The following ATF7IP variants were observed in gnomAD, a reference collection of about 807,000 sequenced individuals.
The protein encoded by ATF7IP is activating transcription factor 7-interacting protein 1.
Under a neutral mutation model 106.4 loss-of-function variants are expected in ATF7IP, and 23 were observed. The ratio of observed to expected loss-of-function variants is 0.22; its 90% CI spans 0.16 to 0.31. ATF7IP has a LOEUF of 0.31. ATF7IP is among the 10% of genes least tolerant of loss of function. The pLI, the probability that ATF7IP is intolerant of heterozygous loss-of-function variation, is 1.00. For synonymous variants in ATF7IP, 542 were observed against 539.0 expected, an observed-to-expected ratio of 1.01 and a Z score of -0.08; for missense variants, 1,334 against 1,524.3, an observed-to-expected ratio of 0.88 and a Z score of 2.08.
At chr12:14,451,792 A>G (rs1943212428) in intron 6 of ATF7IP, among the ~76,000 whole-genome samples, 1 of 152,078 alleles carries the variant, frequency 6.6e-6, no homozygotes, top group Non-Finnish European at 1.5e-5. Context: ...TATCCATGAG[A>G]ATTTTCTATG....
At chr12:14,493,335 A>G (rs1232008848) in intron 13 of ATF7IP, among the ~76,000 whole-genome samples, 1 of 152,204 alleles carries the variant, frequency 6.6e-6, no homozygotes, top group Non-Finnish European at 1.5e-5. Context: ...CTTATAGGTC[A>G]CACCTTCAAC....
At chr12:14,428,920 T>C in intron 2 of ATF7IP, among the ~76,000 whole-genome samples, 1 of 152,318 alleles carries the variant, frequency 6.6e-6, no homozygotes, top group South Asian at 2.1e-4. Flanking sequence ...TATTATGTTA[T>C]AACTAATACT....
chr12:14,374,741 G>GA (rs1938665884), intron 1 of ATF7IP, among the ~76,000 whole-genome samples: 1 of 152,102 alleles, frequency 6.6e-6, no homozygotes, highest in South Asian at 2.1e-4. Context: ...ATAGCTCTGT[G>GA]ATACAAATCC....
intron 8 of ATF7IP, among the ~76,000 whole-genome samples, 173 bp downstream of exon 8, chr12:14,457,468 T>C (rs968313438): frequency 6.6e-6 from 1 of 152,162 alleles, no homozygotes; most frequent in East Asian, 1.9e-4. Context: ...CACATGCTTA[T>C]AGTCTCAGCT....
intron 1 of ATF7IP, among the ~76,000 whole-genome samples, chr12:14,368,155 G>T (rs944385182): frequency 1.3e-5 from 2 of 151,944 alleles, no homozygotes; most frequent in Middle Eastern, 3.2e-3. Context: ...GGAAAATATT[G>T]AAAATTAATT....
Position 14,484,656 on chromosome 12 carries a change from C to G in ATF7IP, c.3280+3471C>G, listed in dbSNP as rs150679501. ...TGAACCAGGCCCTAGTCATCTGTTC[C>G]GCTGTCAAGTGATCATAGGGACCCC... On this transcript the variant is annotated intron_variant, in intron 13 of 14. Coordinates refer to ENST00000261168, the MANE Select transcript of ATF7IP (RefSeq NM_018179.5). 5.3e-3 allele frequency among the ~76,000 whole-genome samples: 813 copies of G among 152,268 alleles called. 10 individuals are homozygous for G. The highest frequency in any genetic ancestry group is 0.018 in the African/African-American group (753 of 41,544).
intron 1 of ATF7IP, among the ~76,000 whole-genome samples, chr12:14,373,722 CTT>C (rs1233122953): frequency 6.6e-6 from 1 of 152,036 alleles, no homozygotes; most frequent in Non-Finnish European, 1.5e-5. Context: ...AACTATTTCT[CTT>C]TTAAGATTTA....
rs931258263 is a variant in ATF7IP at position 14,422,159 on chromosome 12, A to C, written c.-7-1750A>C. Reference sequence around the variant, plus strand: ...TGACATGTTAAGCTCTTTCCAAGAAAAAGTAAGTGAAAAGAGATAATAAAT... The same window carrying C: ...TGACATGTTAAGCTCTTTCCAAGAACAAGTAAGTGAAAAGAGATAATAAAT... On this transcript the variant is annotated intron_variant, in intron 1 of 14. Coordinates refer to ENST00000261168, the MANE Select transcript of ATF7IP (RefSeq NM_018179.5). Among the ~76,000 whole-genome samples, 4 of 152,164 alleles carry C rather than the reference A, an allele frequency of 2.6e-5. No individual in the cohort carries two copies. The South Asian group carries it at 6.2e-4, about 24-fold the overall frequency.
rs1943620029 is a variant in ATF7IP at position 14,461,024 on chromosome 12, A to T, written c.2688A>T (p.Gly896=). ...CTTTACCCACAGTGGGCCCATCAGG[A>T]CTCTATAGTCCATCAACTAATCGAG... ...RTSLPTVGPS[G]LYSPSTNRGP... is the part of the protein sequence containing the mutation. Residue 896 remains glycine (G), a synonymous_variant, in exon 9 of 15, where the codon GGA becomes GGT. Transcript: ENST00000261168. 6.2e-7 allele frequency: 1 copy of T among 1,613,946 alleles called. No individual in the cohort carries two copies. Among genetic ancestry groups the T allele is most frequent in the African/African-American group, 1.3e-5 (1 of 74,884 alleles).
chr12:14,457,125 G>A lies in ATF7IP; in HGVS notation c.2070-82G>A, dbSNP rs185831329. 3.1e-5 allele frequency: 37 copies of A among 1,194,250 alleles called. No individual in the cohort carries two copies. The East Asian group carries it at 8.7e-4, about 28-fold the overall frequency. The allele number at this position is 1,194,250 out of a possible 1,614,324, so 74.0% of individuals were successfully genotyped here. A position where few individuals can be genotyped will look rare whatever the true frequency, so the allele number is the denominator to read the frequency against. ...GTCTAGCCACCCTTTTTCCCCTGTG[G>A]GCCACTGCTTATTCTAGATATCAGT... On this transcript the variant is annotated intron_variant, in intron 7 of 14. Coordinates refer to ENST00000261168, the MANE Select transcript of ATF7IP (RefSeq NM_018179.5).
chr12:14,387,445 C>T (rs946197455), intron 1 of ATF7IP, among the ~76,000 whole-genome samples: 1 of 151,874 alleles, frequency 6.6e-6, no homozygotes, highest in Admixed American at 6.6e-5. Context: ...TATATAATGT[C>T]GAAAAACTGT....
At chr12:14,472,291 GA>G (rs1015514608) in intron 10 of ATF7IP, among the ~76,000 whole-genome samples, 3 of 151,672 alleles carry the variant, frequency 2.0e-5, no homozygotes, top group South Asian at 2.1e-4. Flanking sequence ...GCGTTTTTAT[GA>G]AAAAAATGTG....
Position 14,424,487 on chromosome 12 carries a change from C to G in ATF7IP, c.572C>G (p.Ser191Cys). ...SGDVSPGDAT[S>C]GDATADDLSS... The stretch of plus-strand genomic sequence containing the variant: ...GATGTGTCCCCTGGTGATGCCACCT[C>G]TGGTGATGCCACTGCTGATGATCTC... The change falls in exon 2 of 15, where the codon TCT (serine) becomes TGT (cysteine). Residue 191 changes from serine (S) to cysteine (C), a missense_variant. By Grantham distance (112) the Ser-to-Cys change is moderately radical. Transcript: ENST00000261168. The G allele has an allele frequency of 1.2e-6, 2 of 1,614,166 alleles. No individual in the cohort carries two copies.
At chr12:14,479,704 A>T (rs1944373811) in intron 12 of ATF7IP, among the ~76,000 whole-genome samples, 1 of 152,174 alleles carries the variant, frequency 6.6e-6, no homozygotes, top group Non-Finnish European at 1.5e-5. Flanking sequence ...TTAGATGCTT[A>T]TGCAGACTTT....
intron 1 of ATF7IP, among the ~76,000 whole-genome samples, chr12:14,399,903 G>A (rs920126541): frequency 6.6e-6 from 1 of 152,188 alleles, no homozygotes; most frequent in African/African-American, 2.4e-5. Flanking sequence ...GTGATTGTGA[G>A]TGGTGGGGAA....
intron 1 of ATF7IP, among the ~76,000 whole-genome samples, chr12:14,374,315 T>A (rs1305753351): frequency 7.0e-6 from 1 of 143,786 alleles, no homozygotes; most frequent in Non-Finnish European, 1.5e-5. Context: ...GGTCTTGCCT[T>A]GTTGCCCAGG....
intron 1 of ATF7IP, among the ~76,000 whole-genome samples, chr12:14,366,966 A>G (rs1938325473): frequency 6.6e-6 from 1 of 152,190 alleles, no homozygotes. Flanking sequence ...AATTATAAAT[A>G]TGCTACTGAT....
chr12:14,389,930 C>T (rs1438310648), intron 1 of ATF7IP, among the ~76,000 whole-genome samples: 1 of 152,202 alleles, frequency 6.6e-6, no homozygotes, highest in Admixed American at 6.5e-5. Context: ...AGCCCCATTT[C>T]TCTAATTGTT....
Position 14,478,443 on chromosome 12 carries a change from C to T in ATF7IP, c.3068C>T (p.Ser1023Phe). Residue 1023 changes from serine (S) to phenylalanine (F), a missense_variant, in exon 12 of 15, where the codon TCT becomes TTT. By Grantham distance (155) the Ser-to-Phe change is radical. Transcript: ENST00000261168. Reference protein sequence around the residue: ...QPSGVPTSGPSQTTIHLLPTA... With the variant: ...QPSGVPTSGPFQTTIHLLPTA... ...TCTGGGGTGCCAACAAGTGGACCAT[C>T]TCAGACCACCATACACTTACTACCT... 1.2e-6 allele frequency: 2 copies of T among 1,614,068 alleles called. No individual in the cohort carries two copies. Among genetic ancestry groups the T allele is most frequent in the Non-Finnish European group, 1.7e-6 (2 of 1,179,936 alleles).
Sources: allele counts gnomAD v4.1 joint callset (sites outside exome capture counted in the v4.1 genomes callset), GRCh38; gene constraint gnomAD v4.1.1; transcripts MANE v1.5; gene names NCBI Gene and HGNC (gene_info 2026-07-23, HGNC 2026-07-21).